The following AKT3 variants were observed in gnomAD, a reference collection of about 807,000 sequenced individuals.
AKT3 encodes RAC-gamma serine/threonine-protein kinase.
AKT3 carries 15 observed loss-of-function variants against 65.3 expected under a neutral mutation model. The ratio of observed to expected loss-of-function variants is 0.23; its 90% CI spans 0.15 to 0.35. AKT3 has a LOEUF of 0.35. Among genes scored for constraint, AKT3 ranks in the 10% least tolerant of loss-of-function variants. The probability of loss-of-function intolerance (pLI) is 1.00; values close to 1 mark genes in which losing one functional copy is unlikely to be tolerated. For missense variants in AKT3, 243 were observed against 576.5 expected, an observed-to-expected ratio of 0.42 and a Z score of 5.92; for synonymous variants, 206 against 183.8, an observed-to-expected ratio of 1.12 and a Z score of -0.98.
intron 11 of AKT3, chr1:243,548,034 C>A (rs1244915703): frequency 6.6e-6 from 1 of 152,154 alleles, no homozygotes; most frequent in East Asian, 1.9e-4. Context: ...AGGTTTCTTT[C>A]CCAGGAGACT....
chr1:243,699,210 CAT>C (rs1685259607), intron 2 of AKT3, among the ~76,000 whole-genome samples: 2 of 152,048 alleles, frequency 1.3e-5, no homozygotes, highest in South Asian at 4.1e-4. Flanking sequence ...TAAGTTTACA[CAT>C]GATGCATCAA....
intron 2 of AKT3, among the ~76,000 whole-genome samples, chr1:243,807,779 C>A (rs941383424): frequency 6.6e-6 from 1 of 152,228 alleles, no homozygotes; most frequent in Non-Finnish European, 1.5e-5. Flanking sequence ...TGGGAGGCAA[C>A]CCCCAGTAGG....
chr1:243,570,436 T>A (rs1674475462), intron 9 of AKT3, among the ~76,000 whole-genome samples: 1 of 152,206 alleles, frequency 6.6e-6, no homozygotes, highest in Admixed American at 6.5e-5. Context: ...TTACAAAGAT[T>A]TCCCAAAGTT....
intron 2 of AKT3, among the ~76,000 whole-genome samples, chr1:243,762,356 A>T (rs1226000922): frequency 6.6e-6 from 1 of 152,098 alleles, no homozygotes; most frequent in Non-Finnish European, 1.5e-5. Context: ...TCAAGCTAAC[A>T]CACATTTTTC....
At position 243,710,961 on chromosome 1, in the gene AKT3, A is replaced by C. The variant is rs1034817975; in HGVS notation, c.47-15245T>G. 3.9e-5 allele frequency among the ~76,000 whole-genome samples: 6 copies of C among 152,248 alleles called. No homozygotes were observed. In the South Asian group the frequency reaches 1.2e-3, roughly 31 times the overall value. ...TTAAGTACTGGCCGTAGCAGAGAAA[A>C]GTTCAGCTCCAAAATAAACTGAGGT... On this transcript the variant is annotated intron_variant, in intron 2 of 13. Transcript: ENST00000673466.
intron 13 of AKT3, among the ~76,000 whole-genome samples, chr1:243,492,677 GGCCTACTGCAACCTCT>G (rs1386522346): frequency 8.8e-5 from 11 of 125,476 alleles, no homozygotes; most frequent in African/African-American, 3.5e-4. Flanking sequence ...GCATGGTCTT[GGCCTACTGCAACCTCT>G]GCCTCCTGGG....
chr1:243,675,687 A>G (rs749779381), intron 3 of AKT3, among the ~76,000 whole-genome samples: 19 of 152,174 alleles, frequency 1.2e-4, no homozygotes, highest in South Asian at 2.1e-4. Context: ...CCTTTTTATC[A>G]GATATATTTT....
At chr1:243,783,870 T>A (rs1233818196) in intron 2 of AKT3, among the ~76,000 whole-genome samples, 1 of 152,138 alleles carries the variant, frequency 6.6e-6, no homozygotes, top group Non-Finnish European at 1.5e-5. Flanking sequence ...ATGCTAGTAT[T>A]ATAAATAAAC....
At chr1:243,554,654 T>C (rs1486545728) in intron 10 of AKT3, among the ~76,000 whole-genome samples, 3 of 152,202 alleles carry the variant, frequency 2.0e-5, no homozygotes, top group African/African-American at 7.2e-5. Context: ...TGGGCCTTTA[T>C]CTAATTGACA....
intron 2 of AKT3, among the ~76,000 whole-genome samples, chr1:243,812,409 G>A (rs1203884546): frequency 6.6e-6 from 1 of 152,258 alleles, no homozygotes; most frequent in East Asian, 1.9e-4. Flanking sequence ...GCAGCCAAGA[G>A]ACACATGAAA....
chr1:243,590,164 A>G (rs1344791198), intron 8 of AKT3, among the ~76,000 whole-genome samples: 1 of 152,194 alleles, frequency 6.6e-6, no homozygotes. Flanking sequence ...TGGGGATTTA[A>G]TGTACAGCAT....
intron 10 of AKT3, among the ~76,000 whole-genome samples, chr1:243,554,889 C>T (rs1374543653): frequency 6.6e-6 from 1 of 151,742 alleles, no homozygotes; most frequent in Admixed American, 6.6e-5. Context: ...AACTGGCAAT[C>T]CTTTATTTTT....
chr1:243,752,126 G>C (rs535397046), intron 2 of AKT3, among the ~76,000 whole-genome samples: 1 of 152,140 alleles, frequency 6.6e-6, no homozygotes, highest in East Asian at 1.9e-4. Context: ...AAGTTTCTTT[G>C]CTTTTGATAC....
intron 8 of AKT3, among the ~76,000 whole-genome samples, chr1:243,606,659 C>T (rs1362480605): frequency 1.3e-5 from 2 of 152,200 alleles, no homozygotes; most frequent in Non-Finnish European, 2.9e-5. Context: ...AAGCCCACTG[C>T]AAAAGTTGGC....
intron 8 of AKT3, among the ~76,000 whole-genome samples, chr1:243,597,961 C>T (rs959159427): frequency 1.3e-5 from 2 of 152,142 alleles, no homozygotes; most frequent in Admixed American, 1.3e-4. Context: ...TACATTATCA[C>T]TTTTGCAATA....
chr1:243,491,193 G>A (rs372620098), intron 13 of AKT3, among the ~76,000 whole-genome samples: 156 of 152,264 alleles, frequency 1.0e-3, no homozygotes, highest in Admixed American at 1.9e-3. Flanking sequence ...ATGGATCACC[G>A]ATGCTTAGAA....
intron 2 of AKT3, among the ~76,000 whole-genome samples, chr1:243,704,751 C>A (rs997905757): frequency 2.6e-5 from 4 of 152,132 alleles, no homozygotes; most frequent in African/African-American, 2.4e-5. Flanking sequence ...AGCTTTACTA[C>A]CCTTTCATCT....
chr1:243,559,994 C>A (rs1468741875), intron 10 of AKT3, among the ~76,000 whole-genome samples: 1 of 152,130 alleles, frequency 6.6e-6, no homozygotes, highest in East Asian at 1.9e-4. Context: ...TAAATCTGAT[C>A]ACAGTATCGC....
chr1:243,716,106 G>A (rs1326070092), intron 2 of AKT3, among the ~76,000 whole-genome samples: 2 of 152,012 alleles, frequency 1.3e-5, no homozygotes, highest in Non-Finnish European at 2.9e-5. Flanking sequence ...CTTCTAATAA[G>A]AAATATTTGC....
Sources: allele counts gnomAD v4.1 joint callset (sites outside exome capture counted in the v4.1 genomes callset), GRCh38; gene constraint gnomAD v4.1.1; transcripts MANE v1.5; gene names NCBI Gene and HGNC (gene_info 2026-07-23, HGNC 2026-07-21).